SOX5: variants seen among roughly 807,000 people sequenced by gnomAD.
SOX5 encodes the protein SRY-box transcription factor 5.
A neutral mutation model predicts 92.0 loss-of-function variants in SOX5; 9 were observed. That is an observed-to-expected ratio of 0.10 (90% CI 0.06 to 0.17). The LOEUF (loss-of-function observed/expected upper bound fraction) is 0.17, where lower values mean the gene tolerates loss of function less well. Ranked by LOEUF, SOX5 falls within the 10% of genes least tolerant of loss-of-function variation. SOX5 has a pLI of 1.00. For synonymous variants in SOX5, 344 were observed against 336.3 expected, an observed-to-expected ratio of 1.02 and a Z score of -0.25; for missense variants, 642 against 944.5, an observed-to-expected ratio of 0.68 and a Z score of 4.20.
At chr12:23,547,669 C>A (rs992135968) in intron 11 of SOX5, among the ~76,000 whole-genome samples, 1 of 152,044 alleles carries the variant, frequency 6.6e-6, no homozygotes, top group African/African-American at 2.4e-5. Context: ...GTACTCTATT[C>A]ATCAAATTAT....
intron 4 of SOX5, among the ~76,000 whole-genome samples, chr12:24,099,050 C>T (rs1224244735): frequency 6.6e-6 from 1 of 152,136 alleles, no homozygotes; most frequent in Non-Finnish European, 1.5e-5. Flanking sequence ...TCTAAGAGGT[C>T]AAAACCTGAT....
chr12:24,397,191 T>G (rs1012465898), intron 1 of SOX5, among the ~76,000 whole-genome samples: 2 of 152,222 alleles, frequency 1.3e-5, no homozygotes, highest in Non-Finnish European at 2.9e-5. Context: ...CTTTTTCTTT[T>G]TTCCTTTCTT....
At chr12:24,238,653 G>A (rs755180517) in intron 3 of SOX5, among the ~76,000 whole-genome samples, 55 of 152,054 alleles carry the variant, frequency 3.6e-4, no homozygotes, top group South Asian at 1.0e-3. Flanking sequence ...CACAGTGCCC[G>A]GCCACAGAGT....
intron 4 of SOX5, among the ~76,000 whole-genome samples, chr12:23,960,774 A>G (rs559531390): frequency 6.6e-6 from 1 of 152,064 alleles, no homozygotes; most frequent in South Asian, 2.1e-4. Context: ...AAAATTAGAC[A>G]TCAAATTTCC....
chr12:24,460,339 G>T (rs550414234), intron 1 of SOX5, among the ~76,000 whole-genome samples: 1 of 152,312 alleles, frequency 6.6e-6, no homozygotes, highest in Non-Finnish European at 1.5e-5. Context: ...TCTGCAGAAA[G>T]CATGTCCAAT....
At chr12:24,035,329 G>A (rs1203854349) in intron 4 of SOX5, among the ~76,000 whole-genome samples, 1 of 152,044 alleles carries the variant, frequency 6.6e-6, no homozygotes, top group East Asian at 1.9e-4. Context: ...AGCCTGCCAA[G>A]CATATTCTCT....
intron 4 of SOX5, among the ~76,000 whole-genome samples, chr12:24,205,837 C>A (rs1481871621): frequency 6.6e-6 from 1 of 152,186 alleles, no homozygotes; most frequent in Non-Finnish European, 1.5e-5. Context: ...GGTTTACGTA[C>A]AAGCATCCTA....
intron 4 of SOX5, among the ~76,000 whole-genome samples, chr12:24,102,289 G>A (rs1177559048): frequency 1.3e-5 from 2 of 152,146 alleles, no homozygotes; most frequent in African/African-American, 4.8e-5. Flanking sequence ...ATGTTCAATG[G>A]TGTCAATACA....
rs141399378 is a variant in SOX5 at position 24,370,129 on chromosome 12, A to G, written c.-250-1490T>C. On this transcript the variant is annotated intron_variant, in intron 1 of 4. Transcript: ENST00000446891. Reference sequence around the variant, plus strand: ...ACAAGTAAAACTTCTAAATATTATTAGTAGTAGATCTGTCAAGGTCAGATG... The same window carrying G: ...ACAAGTAAAACTTCTAAATATTATTGGTAGTAGATCTGTCAAGGTCAGATG... 1.5e-3 allele frequency among the ~76,000 whole-genome samples: 222 copies of G among 152,322 alleles called. 3 individuals are homozygous for G. The South Asian group carries it at 0.032, about 22-fold the overall frequency.
chr12:24,521,577 A>G (rs1034580446), intron 1 of SOX5, among the ~76,000 whole-genome samples: 1 of 152,214 alleles, frequency 6.6e-6, no homozygotes, highest in African/African-American at 2.4e-5. Flanking sequence ...AGTTCTTGAC[A>G]AATTTAAGAA....
intron 3 of SOX5, among the ~76,000 whole-genome samples, chr12:24,255,661 T>C (rs1462618277): frequency 6.6e-6 from 1 of 152,130 alleles, no homozygotes; most frequent in South Asian, 2.1e-4. Flanking sequence ...GCCAGGCTTC[T>C]CGACTCGGAA....
intron 1 of SOX5, among the ~76,000 whole-genome samples, chr12:24,520,189 C>T (rs979517217): frequency 7.9e-5 from 12 of 151,990 alleles, no homozygotes; most frequent in African/African-American, 2.9e-4. Context: ...TAAAGGAGTC[C>T]TTTGAATTGA....
At chr12:23,682,318 T>C (rs1269677050) in intron 6 of SOX5, among the ~76,000 whole-genome samples, 1 of 151,864 alleles carries the variant, frequency 6.6e-6, no homozygotes, top group East Asian at 1.9e-4. Context: ...TCTGAATAAG[T>C]GGTTTTGCCT....
At chr12:24,183,377 C>T (rs1056353189) in intron 4 of SOX5, among the ~76,000 whole-genome samples, 1 of 152,076 alleles carries the variant, frequency 6.6e-6, no homozygotes, top group Non-Finnish European at 1.5e-5. Flanking sequence ...TTTTTACATC[C>T]ATGAATGACT....
intron 3 of SOX5, among the ~76,000 whole-genome samples, chr12:23,816,207 CTTTTTTTT>C (rs11347313): frequency 6.2e-5 from 8 of 129,642 alleles, no homozygotes; most frequent in African/African-American, 2.3e-4. Flanking sequence ...GACAAGATTT[CTTTTTTTT>C]TTTTTTTTTT....
intron 3 of SOX5, among the ~76,000 whole-genome samples, chr12:23,835,980 T>C (rs1379014611): frequency 6.6e-6 from 1 of 151,848 alleles, no homozygotes; most frequent in Non-Finnish European, 1.5e-5. Flanking sequence ...GGTTATAAGG[T>C]TTTCATCGAG....
chr12:24,179,104 C>T (rs1367015326), intron 4 of SOX5, among the ~76,000 whole-genome samples: 1 of 152,134 alleles, frequency 6.6e-6, no homozygotes, highest in Non-Finnish European at 1.5e-5. Context: ...CAAATGTTAT[C>T]AAGGAAACTA....
At chr12:24,488,692 C>G (rs1946761339) in intron 1 of SOX5, among the ~76,000 whole-genome samples, 1 of 152,126 alleles carries the variant, frequency 6.6e-6, no homozygotes, top group East Asian at 1.9e-4. Flanking sequence ...TTATTTTGTC[C>G]TAAGTAATAA....
At chr12:23,817,365 T>A (rs530627070) in intron 3 of SOX5, among the ~76,000 whole-genome samples, 2 of 152,210 alleles carry the variant, frequency 1.3e-5, no homozygotes, top group Non-Finnish European at 2.9e-5. Context: ...TAAAGATGGA[T>A]AGAGGAAAAT....
Sources: gnomAD v4.1 joint callset for allele counts (sites outside exome capture counted in the v4.1 genomes callset) on GRCh38, gnomAD v4.1.1 for gene constraint, MANE v1.5 for transcripts, NCBI Gene and HGNC (gene_info 2026-07-23, HGNC 2026-07-21) for gene names.